Variants in ST3GAL5 observed in about 807,000 individuals in gnomAD.
ST3GAL5 encodes ST3 beta-galactoside alpha-2,3-sialyltransferase 5, also known as lactosylceramide alpha-2,3-sialyltransferase.
A neutral mutation model predicts 46.1 loss-of-function variants in ST3GAL5; 25 were observed. That is an observed-to-expected ratio of 0.54 (90% confidence interval 0.40 to 0.76). The LOEUF (loss-of-function observed/expected upper bound fraction) is 0.76. Among genes scored for constraint, ST3GAL5 ranks in the 30% least tolerant of loss-of-function variants. The pLI, the probability that ST3GAL5 is intolerant of heterozygous loss-of-function variation, is 0.00. For synonymous variants in ST3GAL5, 182 were observed against 192.7 expected (o/e 0.94, Z 0.46); for missense variants, 431 against 521.2 (o/e 0.83, Z 1.69).
chr2:85,859,144 A>G (rs1463306491), intron 3 of ST3GAL5, among the ~76,000 whole-genome samples: 2 of 152,214 alleles, frequency 1.3e-5, no homozygotes, highest in Non-Finnish European at 2.9e-5. Flanking sequence ...CTTGTGGAAT[A>G]GTATTCTTGG....
chr2:85,847,977 G>T lies in ST3GAL5; in HGVS notation c.546C>A (p.Asp182Glu). The T allele has an allele frequency of 1.9e-6, 3 of 1,614,122 alleles. No individual in the cohort carries two copies. Among genetic ancestry groups the T allele is most frequent in the South Asian group, 2.2e-5 (2 of 91,078 alleles). ...QTLLELLPEH[D>E]LPEHLKAKTC... The stretch of plus-strand genomic sequence containing the variant: ...TCTTGGCTTTCAAGTGTTCAGGGAG[G>T]TCGTGCTCTGGCAAGAGTTCCAAGA... Residue 182 changes from aspartate to glutamate, a missense_variant, in exon 4 of 7, where the codon GAC (aspartate) becomes GAA (glutamate). Transcript: ENST00000638572.
chr2:85,876,532 C>T (rs13422640), intron 1 of ST3GAL5, among the ~76,000 whole-genome samples: 62,851 of 146,194 alleles, frequency 0.43, 13,763 homozygotes, highest in Admixed American at 0.54. Context: ...GGCATGATCT[C>T]GGCGCCGCAA....
Position 85,842,664 on chromosome 2 carries a change from T to C in ST3GAL5, c.1008+1732A>G, listed in dbSNP as rs185433140. Among the ~76,000 whole-genome samples, 593 of 152,280 alleles carry C rather than the reference T, an allele frequency of 3.9e-3. 1 individual carries two copies. Among genetic ancestry groups the C allele is most frequent in the African/African-American group, 0.013 (537 of 41,556 alleles). On this transcript the variant is annotated intron_variant, in intron 6 of 6. Transcript: ENST00000638572. ...TAAAGCAGAAAGTAGAAGTCTTCTA[T>C]AGACTTCCCCTCTGAAGAAGGGCAT...
chr2:85,846,785 A>T (rs1573590896), intron 4 of ST3GAL5: 2 of 544,922 alleles, frequency 3.7e-6, no homozygotes, highest in Non-Finnish European at 6.5e-6. Flanking sequence ...CTGAATGTCA[A>T]GCAATTTCAT....
In ST3GAL5 at chr2:85,848,029, C is replaced by T. The variant is rs755483443; in HGVS notation, c.494G>A (p.Arg165Gln). 4.3e-6 allele frequency: 7 copies of T among 1,614,114 alleles called. No individual in the cohort carries two copies. Among genetic ancestry groups the T allele is most frequent in the South Asian group, 1.1e-5 (1 of 91,076 alleles). ...ESKYDPPFGF[R>Q]KFSSKVQTLL... ...GGTCTGGACTTTACTGGAGAACTTC[C>T]GGAACCCAAAAGGAGGATCGTACTT... The change falls in exon 4 of 7, where the codon CGG becomes CAG. Residue 165 changes from arginine (R) to glutamine (Q), a missense_variant. Arg to Gln is a conservative substitution (Grantham distance 43). Coordinates refer to ENST00000638572, the MANE Select transcript of ST3GAL5 (RefSeq NM_003896.4).
At position 85,846,560 on chromosome 2, in the gene ST3GAL5, T is replaced by C. The variant is rs1682816907; in HGVS notation, c.666A>G (p.Leu222=). The C allele has an allele frequency of 5.0e-6, 8 of 1,614,126 alleles. No homozygotes were observed. The highest frequency in any genetic ancestry group is 6.8e-6 in the Non-Finnish European group (8 of 1,180,028). ...AATATCCCTCAACTGGTGCACTGTTTAACCTATTTAAATAAAAAGGACAAA... is the reference window on the plus strand; with the variant it reads ...AATATCCCTCAACTGGTGCACTGTTCAACCTATTTAAATAAAAAGGACAAA... ...TLNQFDVVIR[L]NSAPVEGYSE... is the part of the protein sequence containing the mutation. The change falls in exon 5 of 7, where the codon TTA becomes TTG. Residue 222 remains leucine (L), a synonymous_variant. Coordinates refer to ENST00000638572, the MANE Select transcript of ST3GAL5 (RefSeq NM_003896.4).
chr2:85,853,004 C>T (rs1683700901), intron 3 of ST3GAL5: 1 of 1,303,704 alleles, frequency 7.7e-7, no homozygotes, highest in African/African-American at 1.5e-5. Flanking sequence ...TGTAGGTCTG[C>T]AGAGTCCGAG....
chr2:85,851,533 A>G lies in ST3GAL5; in HGVS notation c.319-3329T>C, dbSNP rs548498897. 420 of 1,289,268 alleles carry G rather than the reference A, an allele frequency of 3.3e-4. No individual in the cohort carries two copies. The African/African-American group carries it at 3.4e-3, about 10-fold the overall frequency. 79.9% of individuals were successfully genotyped at this position (1,289,268 alleles called of 1,614,324 possible). A position where few individuals can be genotyped will look rare whatever the true frequency, so the allele number is the denominator to read the frequency against. ...TGGGATGGTTTCTGTTCTTGCTTCAATGGTGCACAACCAGACATCATTGTC... is the reference window on the plus strand; with the variant it reads ...TGGGATGGTTTCTGTTCTTGCTTCAGTGGTGCACAACCAGACATCATTGTC... On this transcript the variant is annotated intron_variant, in intron 3 of 6. Transcript: ENST00000638572.
intron 3 of ST3GAL5, chr2:85,856,052 A>G (rs1684071228): frequency 6.6e-6 from 1 of 152,246 alleles, no homozygotes; most frequent in Admixed American, 6.5e-5. Flanking sequence ...CTCAAAAAGC[A>G]AAACATAGTT....
At chr2:85,867,669 A>G (rs775732634) in intron 1 of ST3GAL5, 2 of 780,762 alleles carry the variant, frequency 2.6e-6, no homozygotes, top group African/African-American at 3.4e-5. Flanking sequence ...ATTACTCCCC[A>G]GACTGAGGGT....
chr2:85,870,056 G>T, intron 1 of ST3GAL5: 1 of 379,590 alleles, frequency 2.6e-6, no homozygotes, highest in Non-Finnish European at 5.4e-6. Flanking sequence ...TAAAACTACA[G>T]ACATGCCCTA....
intron 1 of ST3GAL5, 43 bp from the exon 2 acceptor site, chr2:85,863,528 G>A: frequency 6.2e-7 from 1 of 1,606,902 alleles, no homozygotes; most frequent in Non-Finnish European, 8.5e-7. Context: ...AAAGAGAGGA[G>A]AGAGTTAGGA....
intron 3 of ST3GAL5, chr2:85,851,383 T>A: frequency 8.5e-7 from 1 of 1,180,744 alleles, no homozygotes; most frequent in South Asian, 1.6e-5. Context: ...CTCTTTTGTT[T>A]CAACTCGTTT....
At chr2:85,860,992 T>C in intron 3 of ST3GAL5, 189 bp downstream of exon 3, 2 of 598,350 alleles carry the variant, frequency 3.3e-6, no homozygotes, top group South Asian at 1.9e-5. Flanking sequence ...AAGGATACTG[T>C]GGAGTAGTTA....
chr2:85,841,051 C>T (rs1324511522), intron 6 of ST3GAL5, among the ~76,000 whole-genome samples: 1 of 149,096 alleles, frequency 6.7e-6, no homozygotes, highest in East Asian at 2.0e-4. Context: ...AAAAAAAAAG[C>T]CTACTTCCTC....
Position 85,848,174 on chromosome 2 carries a change from G to C in ST3GAL5, c.349C>G (p.Gln117Glu), listed in dbSNP as rs1167287805. The change falls in exon 4 of 7, where the codon CAG becomes GAG. Residue 117 changes from glutamine (Q) to glutamate (E), a missense_variant. Gln to Glu is a conservative substitution (Grantham distance 29, BLOSUM62 2). Coordinates refer to ENST00000638572, the MANE Select transcript of ST3GAL5 (RefSeq NM_003896.4). ...RAQKYAQQVL[Q>E]KECRPKFAKT... ...GCAAACTTGGGACGACATTCCTTCTGCAAGACTTGCTGAGCATATTTCTGA... is the reference window on the plus strand; with the variant it reads ...GCAAACTTGGGACGACATTCCTTCTCCAAGACTTGCTGAGCATATTTCTGA... 6.2e-7 allele frequency: 1 copy of C among 1,614,196 alleles called. No individual in the cohort carries two copies. Among genetic ancestry groups the C allele is most frequent in the Admixed American group, 1.7e-5 (1 of 60,022 alleles).
rs1681824447 is a variant in ST3GAL5, at chr2:85,840,065, G to A, written c.*79C>T. 1 of 1,604,190 alleles carries A rather than the reference G, an allele frequency of 6.2e-7. No individual in the cohort carries two copies. Among genetic ancestry groups the A allele is most frequent in the Non-Finnish European group, 8.5e-7 (1 of 1,172,388 alleles). On this transcript the variant is annotated 3_prime_UTR_variant, in exon 7 of 7. Coordinates refer to ENST00000638572, the MANE Select transcript of ST3GAL5 (RefSeq NM_003896.4). The stretch of plus-strand genomic sequence containing the variant: ...GAGCTGCACTTCAAAGTATCTGCAG[G>A]ATGGAGAAATACATCAAGAAGGCTG...
intron 1 of ST3GAL5, among the ~76,000 whole-genome samples, chr2:85,869,315 G>C (rs2104131707): frequency 6.6e-6 from 1 of 152,006 alleles, no homozygotes; most frequent in East Asian, 1.9e-4. Context: ...AAAGTGTTGG[G>C]GTTAAGGGCG....
rs988020873 is a variant in ST3GAL5 at position 85,839,738 on chromosome 2, G to A, written c.*406C>T. 2 of 323,686 alleles carry A rather than the reference G, an allele frequency of 6.2e-6. No homozygotes were observed. The highest frequency in any genetic ancestry group is 8.4e-5 in the East Asian group (1 of 11,870). The allele number at this position is 323,686 out of a possible 1,614,324, so 20.1% of individuals were successfully genotyped here. Reference sequence around the variant, plus strand: ...GTGGGTCACACCAAGCAGCGCAGCAGGGAACCAGAATGAGGTTCAGGGCCA... The same window carrying A: ...GTGGGTCACACCAAGCAGCGCAGCAAGGAACCAGAATGAGGTTCAGGGCCA... On this transcript the variant is annotated 3_prime_UTR_variant, in exon 7 of 7. Coordinates refer to ENST00000638572, the MANE Select transcript of ST3GAL5 (RefSeq NM_003896.4).
Sources: gnomAD v4.1 joint callset for allele counts (sites outside exome capture counted in the v4.1 genomes callset) on GRCh38, gnomAD v4.1.1 for gene constraint, MANE v1.5 for transcripts, NCBI Gene and HGNC (gene_info 2026-07-23, HGNC 2026-07-21) for gene names.